The following FRMD8 variants were observed in gnomAD, a reference collection of about 807,000 sequenced individuals.
The protein encoded by FRMD8 is FERM domain-containing protein 8.
A neutral mutation model predicts 54.2 loss-of-function variants in FRMD8; 37 were observed. The observed-to-expected ratio is 0.68, with a 90% confidence interval of 0.53 to 0.90. The LOEUF (loss-of-function observed/expected upper bound fraction) is 0.90, where lower values mean the gene tolerates loss of function less well. Among genes scored for constraint, FRMD8 ranks in the 40% least tolerant of loss-of-function variants. The pLI, the probability that FRMD8 is intolerant of heterozygous loss-of-function variation, is 0.00. For synonymous variants in FRMD8, 246 were observed against 286.9 expected (o/e 0.86, Z 1.44); for missense variants, 585 against 653.7 (o/e 0.89, Z 1.15).
At chr11:65,391,337 C>T (rs1465118544) in intron 3 of FRMD8, among the ~76,000 whole-genome samples, 1 of 152,102 alleles carries the variant, frequency 6.6e-6, no homozygotes, top group East Asian at 1.9e-4. Context: ...CAGGGCTGGG[C>T]TGTAGGCAGC....
the FRMD8 span, among the ~76,000 whole-genome samples, chr11:65,368,865 C>T: frequency 6.6e-6 from 1 of 152,216 alleles, no homozygotes; most frequent in East Asian, 1.9e-4. Context: ...GCCCGGTCTA[C>T]CAGCTAGAGT....
At chr11:65,392,701 C>T (rs561575368) in intron 3 of FRMD8, among the ~76,000 whole-genome samples, 30 of 152,152 alleles carry the variant, frequency 2.0e-4, no homozygotes, top group Non-Finnish European at 3.8e-4. Flanking sequence ...AGGGATACGG[C>T]GGTGGACAAT....
chr11:65,369,378 A>G, the FRMD8 span, among the ~76,000 whole-genome samples: 2 of 151,588 alleles, frequency 1.3e-5, no homozygotes, highest in South Asian at 4.2e-4. Flanking sequence ...TAAGCCCAGG[A>G]GTTCAAAAAC....
intron 2 of FRMD8, 107 bp from the exon 3 acceptor site, chr11:65,389,254 G>A (rs907786859): frequency 5.5e-6 from 6 of 1,083,044 alleles, no homozygotes; most frequent in Middle Eastern, 2.7e-4. Flanking sequence ...CCTGAGGGGT[G>A]TAGGGTGGGG....
the FRMD8 span, among the ~76,000 whole-genome samples, chr11:65,373,821 C>T: frequency 6.6e-6 from 1 of 152,178 alleles, no homozygotes; most frequent in Non-Finnish European, 1.5e-5. Context: ...CTCCTAGCCT[C>T]AAGTGGTCCT....
At chr11:65,372,675 C>T in the FRMD8 span, among the ~76,000 whole-genome samples, 2 of 152,202 alleles carry the variant, frequency 1.3e-5, no homozygotes, top group African/African-American at 2.4e-5. Flanking sequence ...GAACAGCTCT[C>T]TCTCAGACAG....
the FRMD8 span, chr11:65,377,269 C>T: frequency 3.5e-6 from 5 of 1,417,216 alleles, no homozygotes; most frequent in East Asian, 1.3e-4. Flanking sequence ...GGACAGGCCA[C>T]CTCCCTTGGC....
rs374729384 is a variant in FRMD8, at chr11:65,411,267, G to A, written c.1302G>A (p.Pro434=). The change falls in exon 11 of 11, where the codon CCG becomes CCA. Residue 434 remains proline (P), a synonymous_variant. Coordinates refer to ENST00000317568, the MANE Select transcript of FRMD8 (RefSeq NM_031904.5). ...GCAAGGGGATCAGGCGAGTGAAGCC[G>A]AAGCGCACCACATCCTTCTTCAGCC... ...EDGKGIRRVK[P]KRTTSFFSRQ... 56 of 1,609,290 alleles carry A rather than the reference G, an allele frequency of 3.5e-5. No homozygotes were observed. The Middle Eastern group carries it at 1.1e-3, about 32-fold the overall frequency.
chr11:65,393,600 C>T lies in FRMD8; in HGVS notation c.281C>T (p.Pro94Leu). 1 of 1,609,018 alleles carries T rather than the reference C, an allele frequency of 6.2e-7. No homozygotes were observed. Among genetic ancestry groups the T allele is most frequent in the East Asian group, 2.2e-5 (1 of 44,886 alleles). Residue 94 changes from proline (P) to leucine (L), a missense_variant, in exon 4 of 11, where the codon CCC (proline) becomes CTC (leucine). By Grantham distance (98) the Pro-to-Leu change is moderately conservative. Coordinates refer to ENST00000317568, the MANE Select transcript of FRMD8 (RefSeq NM_031904.5). ...GTGCAGCTGAAACCCAAGCACCAGC[C>T]CTACAAGCTGGGACGCCAGTGGCCG... ...LEVQLKPKHQ[P>L]YKLGRQWPEL... is the part of the protein sequence containing the mutation.
the FRMD8 span, chr11:65,379,276 A>T: frequency 6.5e-6 from 9 of 1,382,562 alleles, no homozygotes; most frequent in Non-Finnish European, 9.0e-6. Context: ...CAAGAGGCCT[A>T]TGCCTCCACA....
intron 3 of FRMD8, among the ~76,000 whole-genome samples, chr11:65,391,765 C>T (rs1387670366): frequency 6.6e-6 from 1 of 152,174 alleles, no homozygotes; most frequent in Non-Finnish European, 1.5e-5. Context: ...CCCGCCTCAG[C>T]CTCCCAAAGT....
chr11:65,383,785 A>ACAAAC (rs1555039092), upstream of FRMD8: 1 of 147,590 alleles, frequency 6.8e-6, no homozygotes, highest in East Asian at 2.0e-4. Flanking sequence ...AAACAAACAA[A>ACAAAC]AAAAAAACCC....
upstream of FRMD8, among the ~76,000 whole-genome samples, chr11:65,385,931 G>T (rs1369415057): frequency 6.6e-6 from 1 of 152,024 alleles, no homozygotes; most frequent in Non-Finnish European, 1.5e-5. Context: ...CGCGTAGCTG[G>T]GACTACAGGC....
chr11:65,406,056 C>G (rs1425900299), intron 10 of FRMD8, among the ~76,000 whole-genome samples: 1 of 151,838 alleles, frequency 6.6e-6, no homozygotes, highest in Non-Finnish European at 1.5e-5. Flanking sequence ...GAGACGGAGT[C>G]TCACTCTGTC....
At chr11:65,397,696 A>C (rs1855985614) in intron 7 of FRMD8, among the ~76,000 whole-genome samples, 1 of 152,056 alleles carries the variant, frequency 6.6e-6, no homozygotes, top group South Asian at 2.1e-4. Flanking sequence ...GTGGTCAGGG[A>C]AAGTTTAGGA....
chr11:65,377,137 T>C, the FRMD8 span: 1 of 1,552,222 alleles, frequency 6.4e-7, no homozygotes, highest in Non-Finnish European at 8.7e-7. Context: ...TGGCCCCTTA[T>C]ATTCACAAGA....
At chr11:65,372,569 C>CA in the FRMD8 span, among the ~76,000 whole-genome samples, 6 of 151,506 alleles carry the variant, frequency 4.0e-5, no homozygotes, top group Non-Finnish European at 7.4e-5. Context: ...TAACTAAAGC[C>CA]AAAAAAAATA....
rs761439052 is a variant in FRMD8 at position 65,387,081 on chromosome 11, G to A, written c.45G>A (p.Glu15=). Residue 15 remains glutamate, a synonymous_variant, in exon 2 of 11, where the codon GAG becomes GAA. Transcript: ENST00000317568. ...EGSAGQPGPA[E]RSHRSSVSSV... is the part of the protein sequence containing the mutation. ...GTGCCGGGCAGCCCGGCCCCGCTGA[G>A]CGATCCCACCGAAGCAGCGTGTCCT... 1.9e-6 allele frequency: 3 copies of A among 1,608,622 alleles called. No individual in the cohort carries two copies. Among genetic ancestry groups the A allele is most frequent in the South Asian group, 2.2e-5 (2 of 91,090 alleles).
At chr11:65,385,864 G>C (rs193287927), upstream of FRMD8, among the ~76,000 whole-genome samples, 1 of 150,412 alleles carries the variant, frequency 6.6e-6, no homozygotes, top group African/African-American at 2.4e-5. Flanking sequence ...GTGTGATCTC[G>C]GCTCACTGCA....
Sources: gnomAD v4.1 joint callset for allele counts (sites outside exome capture counted in the v4.1 genomes callset) on GRCh38, gnomAD v4.1.1 for gene constraint, MANE v1.5 for transcripts, NCBI Gene and HGNC (gene_info 2026-07-23, HGNC 2026-07-21) for gene names.